Variants in CSGALNACT1 observed in about 807,000 individuals in gnomAD.
CSGALNACT1 encodes beta4GalNAcT-1.
CSGALNACT1 carries 52 observed loss-of-function variants against 51.0 expected under a neutral mutation model. The ratio of observed to expected loss-of-function variants is 1.02; its 90% CI spans 0.82 to 1.29. CSGALNACT1 has a LOEUF of 1.29. CSGALNACT1 is among the 50% of genes most tolerant of loss of function. The pLI is 0.00. For synonymous variants in CSGALNACT1, 341 were observed against 254.4 expected (o/e 1.34, Z -3.24); for missense variants, 935 against 679.2 (o/e 1.38, Z -4.19).
At chr8:19,650,835 A>G (rs1297864244) in intron 1 of CSGALNACT1, among the ~76,000 whole-genome samples, 1 of 152,204 alleles carries the variant, frequency 6.6e-6, no homozygotes, top group East Asian at 1.9e-4. Flanking sequence ...AAAAGTGACT[A>G]AAAACTAAAG....
intron 1 of CSGALNACT1, among the ~76,000 whole-genome samples, chr8:19,699,052 T>G (rs1324435824): frequency 6.6e-6 from 1 of 152,216 alleles, no homozygotes; most frequent in Non-Finnish European, 1.5e-5. Flanking sequence ...TTTCTTTTTT[T>G]TGCTTTGTTT....
chr8:19,527,474 G>C (rs1163101929), intron 3 of CSGALNACT1, among the ~76,000 whole-genome samples: 2 of 152,160 alleles, frequency 1.3e-5, no homozygotes, highest in Non-Finnish European at 2.9e-5. Flanking sequence ...GCCAGGCATG[G>C]TGGTGGGTGG....
At chr8:19,612,802 A>G (rs891693203) in intron 1 of CSGALNACT1, among the ~76,000 whole-genome samples, 1 of 151,768 alleles carries the variant, frequency 6.6e-6, no homozygotes, top group African/African-American at 2.4e-5. Context: ...AAAACACACC[A>G]TTTTCTCTTT....
chr8:19,556,384 G>GA lies in CSGALNACT1; in HGVS notation c.-297+34775dup, dbSNP rs35965072. On this transcript the variant is annotated intron_variant, in intron 3 of 9. Coordinates refer to ENST00000454498, the Ensembl canonical transcript of CSGALNACT1. ...AAGAGTGAAACTCCATCTCTCAAAA[G>GA]AAAAAAAAAAAAAAGATGATTTTAT... 1.8e-3 allele frequency among the ~76,000 whole-genome samples: 212 copies of GA among 119,630 alleles called. 1 individual carries two copies. The highest frequency in any genetic ancestry group is 7.3e-3 in the South Asian group (28 of 3,834). The allele number at this position is 119,630 out of a possible 152,430, so 78.5% of individuals were successfully genotyped here.
chr8:19,527,722 G>A (rs1207069261), intron 3 of CSGALNACT1, among the ~76,000 whole-genome samples: 2 of 152,140 alleles, frequency 1.3e-5, no homozygotes, highest in Non-Finnish European at 2.9e-5. Context: ...CTGGAGTGTG[G>A]GGTGCTGAGC....
At chr8:19,432,709 C>G (rs1286896280) in intron 6 of CSGALNACT1, among the ~76,000 whole-genome samples, 1 of 151,988 alleles carries the variant, frequency 6.6e-6, no homozygotes, top group East Asian at 1.9e-4. Context: ...GCTGTTAAGC[C>G]TCCTCTGCCT....
chr8:19,727,327 ATTTGGTTTGG>A (rs61695239), intron 1 of CSGALNACT1, among the ~76,000 whole-genome samples: 58,685 of 150,852 alleles, frequency 0.39, 11,808 homozygotes, highest in East Asian at 0.62. Context: ...GTTTTGTTTG[ATTTGGTTTGG>A]TTTGGTTTGG....
intron 3 of CSGALNACT1, among the ~76,000 whole-genome samples, chr8:19,585,955 G>A (rs2046538031): frequency 6.6e-6 from 1 of 152,190 alleles, no homozygotes; most frequent in Admixed American, 6.5e-5. Context: ...CCCAGGCTGG[G>A]AACAGCAGGC....
chr8:19,439,535 T>C (rs1252434434), intron 6 of CSGALNACT1, among the ~76,000 whole-genome samples: 1 of 152,194 alleles, frequency 6.6e-6, no homozygotes, highest in Non-Finnish European at 1.5e-5. Context: ...CTAAAAATGA[T>C]GACACCCAGT....
At chr8:19,688,341 A>C (rs897879712) in intron 1 of CSGALNACT1, among the ~76,000 whole-genome samples, 1 of 152,130 alleles carries the variant, frequency 6.6e-6, no homozygotes, top group Non-Finnish European at 1.5e-5. Flanking sequence ...TGGGAGATTG[A>C]TTCTGTAAAA....
chr8:19,591,844 T>C (rs2047890326), intron 2 of CSGALNACT1, among the ~76,000 whole-genome samples: 1 of 152,164 alleles, frequency 6.6e-6, no homozygotes, highest in African/African-American at 2.4e-5. Flanking sequence ...TGTAGCTATA[T>C]TTAGTATTTA....
At chr8:19,514,475 CTATATATATA>C (rs33928915) in intron 3 of CSGALNACT1, among the ~76,000 whole-genome samples, 1,070 of 78,804 alleles carry the variant, frequency 0.014, 73 homozygotes, top group African/African-American at 0.051. Context: ...TGAACAGAGA[CTATATATATA>C]TATATATATA....
intron 1 of CSGALNACT1, among the ~76,000 whole-genome samples, chr8:19,637,891 A>C (rs933775679): frequency 1.0e-4 from 15 of 149,290 alleles, no homozygotes; most frequent in African/African-American, 3.2e-4. Flanking sequence ...CCCAGCGCTG[A>C]TATTAGTTGA....
intron 1 of CSGALNACT1, among the ~76,000 whole-genome samples, chr8:19,658,118 G>T (rs917374826): frequency 2.2e-5 from 3 of 139,096 alleles, no homozygotes; most frequent in African/African-American, 8.1e-5. Context: ...CAATGTGATA[G>T]ATTTGGAGAT....
chr8:19,606,338 G>T (rs1042072267), upstream of CSGALNACT1, among the ~76,000 whole-genome samples: 1 of 152,110 alleles, frequency 6.6e-6, no homozygotes. Flanking sequence ...TATGGCACTG[G>T]AGGATAGAGC....
chr8:19,509,666 G>C (rs1404724582), intron 3 of CSGALNACT1, among the ~76,000 whole-genome samples: 1 of 145,748 alleles, frequency 6.9e-6, no homozygotes, highest in Admixed American at 6.9e-5. Flanking sequence ...CACCACCTCT[G>C]CCACCTTCAG....
chr8:19,412,638 G>A (rs2056065222), intron 8 of CSGALNACT1, among the ~76,000 whole-genome samples: 1 of 152,240 alleles, frequency 6.6e-6, no homozygotes, highest in Non-Finnish European at 1.5e-5. Context: ...AGTGACCCAT[G>A]TAGCTGCACA....
chr8:19,692,064 G>GT (rs1564434505), intron 1 of CSGALNACT1, among the ~76,000 whole-genome samples: 7 of 151,488 alleles, frequency 4.6e-5, no homozygotes, highest in African/African-American at 1.7e-4. Flanking sequence ...GAGCAAGCAA[G>GT]AGTAGGGAAA....
intron 1 of CSGALNACT1, among the ~76,000 whole-genome samples, chr8:19,621,364 A>T (rs2053803264): frequency 6.6e-6 from 1 of 152,212 alleles, no homozygotes; most frequent in South Asian, 2.1e-4. Flanking sequence ...CCTAAATTTC[A>T]TATAACCAAT....
Sources: gnomAD v4.1 joint callset for allele counts (sites outside exome capture counted in the v4.1 genomes callset) on GRCh38, gnomAD v4.1.1 for gene constraint, MANE v1.5 for transcripts, NCBI Gene and HGNC (gene_info 2026-07-23, HGNC 2026-07-21) for gene names.